SMTN: variants seen among roughly 807,000 people sequenced by gnomAD.
SMTN encodes smoothelin.
Under a neutral mutation model 102.0 loss-of-function variants are expected in SMTN, and 58 were observed. The ratio of observed to expected loss-of-function variants is 0.57; its 90% CI spans 0.46 to 0.71. SMTN has a LOEUF of 0.71. SMTN is among the 30% of genes least tolerant of loss of function. SMTN has a pLI of 0.00. For missense variants in SMTN, 1,185 were observed against 1,241.7 expected (o/e 0.95, Z 0.69); for synonymous variants, 478 against 497.9 (o/e 0.96, Z 0.53).
chr22:31,101,143 G>C (rs1327967945), intron 20 of SMTN, 94 bp downstream of exon 20: 14 of 1,241,966 alleles, frequency 1.1e-5, no homozygotes, highest in Admixed American at 2.3e-5. Flanking sequence ...GGGAAGTAAG[G>C]GGGGCATTTA....
rs773407841 is a variant in SMTN, at chr22:31,090,972, C to G, written c.949C>G (p.Leu317Val). ...QPAQNRESTP[L>V]ASGPSSFQRA... The stretch of plus-strand genomic sequence containing the variant: ...CCTGTTCCTTCTAGAGTCCACCCCC[C>G]TTGCCAGCGGACCTTCCTCATTCCA... The change falls in exon 10 of 21, where the codon CTT (leucine) becomes GTT (valine). Residue 317 changes from leucine (L) to valine (V), a missense_variant. Leu to Val is a conservative substitution (Grantham distance 32). Transcript: ENST00000333137. 3 of 1,613,122 alleles carry G rather than the reference C, an allele frequency of 1.9e-6. No homozygotes were observed. The African/African-American group carries it at 4.0e-5, about 22-fold the overall frequency.
intron 18 of SMTN, 118 bp from the exon 19 acceptor site, chr22:31,099,627 C>T: frequency 9.3e-7 from 1 of 1,075,648 alleles, no homozygotes. Context: ...ACTCATTGTG[C>T]AAGCTACGGG....
intron 1 of SMTN, among the ~76,000 whole-genome samples, chr22:31,073,933 C>A (rs2042068228): frequency 6.6e-6 from 1 of 152,180 alleles, no homozygotes; most frequent in Non-Finnish European, 1.5e-5. Flanking sequence ...GATAACTAGT[C>A]CCTGTTCCAG....
Position 31,083,425 on chromosome 22 carries a change from G to C in SMTN, c.51+116G>C, listed in dbSNP as rs1185716622. 6.2e-6 allele frequency: 8 copies of C among 1,280,376 alleles called. No individual in the cohort carries two copies. The Admixed American group carries it at 2.2e-4, about 36-fold the overall frequency. The allele number at this position is 1,280,376 out of a possible 1,614,324, so 79.3% of individuals were successfully genotyped here. ...GTGATGGGGGAAAGGTCAGGAGGAG[G>C]GGGACATGGGAACAGGGGTAGGCCA... On this transcript the variant is annotated intron_variant, in intron 2 of 20. Transcript: ENST00000333137.
In SMTN at chr22:31,095,974, T is replaced by C. The variant is rs1040739783; in HGVS notation, c.1861+365T>C. ...CCCTGCTGCTCCTCTCTCCCTGAAG[T>C]CCATTGATGGCCATCTTAGCCTCTG... On this transcript the variant is annotated intron_variant, in intron 13 of 20. Coordinates refer to ENST00000333137, the MANE Select transcript of SMTN (RefSeq NM_134269.3). The surrounding 1 kb of genome is among the most constrained non-coding windows in gnomAD (Gnocchi z 4.1). 1.7e-5 allele frequency: 6 copies of C among 348,044 alleles called. No homozygotes were observed. Among genetic ancestry groups the C allele is most frequent in the Non-Finnish European group, 3.2e-5 (6 of 187,328 alleles). The allele number at this position is 348,044 out of a possible 1,614,324, so 21.6% of individuals were successfully genotyped here.
intron 11 of SMTN, chr22:31,093,669 G>T (rs781261350): frequency 2.4e-6 from 2 of 816,856 alleles, no homozygotes; most frequent in African/African-American, 3.3e-5. Flanking sequence ...CACTGAGCAG[G>T]CAGGTGGAGG....
At chr22:31,089,115 C>A in intron 6 of SMTN, 146 bp downstream of exon 6, 1 of 687,210 alleles carries the variant, frequency 1.5e-6, no homozygotes, top group Non-Finnish European at 2.4e-6. Context: ...AGAGGGATCT[C>A]CCAGAAATGC....
intron 19 of SMTN, 74 bp from the exon 20 acceptor site, chr22:31,100,811 C>A: frequency 1.4e-6 from 1 of 734,924 alleles, no homozygotes; most frequent in Non-Finnish European, 2.3e-6. Flanking sequence ...CTGCCTCTTC[C>A]CTCTCTTCCC....
At chr22:31,076,358 G>C (rs1487445152), upstream of SMTN, among the ~76,000 whole-genome samples, 3 of 152,210 alleles carry the variant, frequency 2.0e-5, no homozygotes, top group African/African-American at 7.2e-5. Flanking sequence ...CTGTCTACAG[G>C]TCTTCATGCC....
chr22:31,099,678 T>C, intron 18 of SMTN, 67 bp from the exon 19 acceptor site: 1 of 1,565,382 alleles, frequency 6.4e-7, no homozygotes, highest in Non-Finnish European at 8.7e-7. Context: ...AATAACAGAA[T>C]GCTGAGGGGT....
At chr22:31,066,649 T>C (rs1468243188) in intron 1 of SMTN, 1 of 152,242 alleles carries the variant, frequency 6.6e-6, no homozygotes, top group Non-Finnish European at 1.5e-5. Flanking sequence ...GATACTTGTG[T>C]CTTACTGAGT....
chr22:31,078,882 A>T (rs556876356), upstream of SMTN, among the ~76,000 whole-genome samples: 37 of 152,104 alleles, frequency 2.4e-4, no homozygotes, highest in Middle Eastern at 3.4e-3. Flanking sequence ...TGTCTCCAAA[A>T]AAAATAAAAT....
intron 18 of SMTN, 34 bp downstream of exon 18, chr22:31,099,213 TC>T: frequency 2.8e-6 from 4 of 1,415,562 alleles, no homozygotes; most frequent in African/African-American, 1.4e-5. Context: ...CCTGGAGGCC[TC>T]CCCAGACCCC....
In SMTN at chr22:31,099,271, TC is replaced by T. The variant is rs2043885157; in HGVS notation, c.2451+94del. ...CAGAGCTCCTATTACCCAGTACACT[TC>T]CTGCCACTGTGTGGCCTCACAGGGA... On this transcript the variant is annotated intron_variant, in intron 18 of 20. Coordinates refer to ENST00000333137, the MANE Select transcript of SMTN (RefSeq NM_134269.3). 9 of 786,648 alleles carry T rather than the reference TC, an allele frequency of 1.1e-5. No individual in the cohort carries two copies. The Admixed American group carries it at 2.2e-4, about 19-fold the overall frequency. The allele number at this position is 786,648 out of a possible 1,614,324, so 48.7% of individuals were successfully genotyped here.
intron 1 of SMTN, chr22:31,068,410 C>T (rs1332822553): frequency 6.6e-6 from 1 of 152,044 alleles, no homozygotes. Flanking sequence ...CCGGGGATTC[C>T]TCATTGCCTG....
intron 2 of SMTN, 121 bp downstream of exon 2, chr22:31,083,430 C>T: frequency 8.0e-7 from 1 of 1,242,600 alleles, no homozygotes; most frequent in East Asian, 2.6e-5. Flanking sequence ...AGGAGGGGGA[C>T]ATGGGAACAG....
chr22:31,090,237 C>G (rs2043019786), intron 8 of SMTN, 57 bp downstream of exon 8: 2 of 1,422,750 alleles, frequency 1.4e-6, no homozygotes, highest in South Asian at 2.6e-5. Context: ...CCCTGCCTCC[C>G]TTTCCCTGCC....
At chr22:31,070,612 C>T (rs916901218) in intron 1 of SMTN, among the ~76,000 whole-genome samples, 1 of 152,198 alleles carries the variant, frequency 6.6e-6, no homozygotes, top group East Asian at 1.9e-4. Flanking sequence ...ACTACCTGTT[C>T]AAAACAAAAC....
In SMTN at chr22:31,100,041, G is replaced by A. The variant is rs891150073; in HGVS notation, c.2603+145G>A. On this transcript the variant is annotated intron_variant, in intron 19 of 20. Coordinates refer to ENST00000333137, the MANE Select transcript of SMTN (RefSeq NM_134269.3). ...AGACCCCCTTCCCCAGAGAGTCCCC[G>A]TCCTTCTCCATCCCCACCCCCCCGC... 8.8e-6 allele frequency: 7 copies of A among 792,320 alleles called. 1 individual carries two copies. Among genetic ancestry groups the A allele is most frequent in the Middle Eastern group, 7.5e-4 (2 of 2,658 alleles). 49.1% of individuals were successfully genotyped at this position (792,320 alleles called of 1,614,324 possible). A position where few individuals can be genotyped will look rare whatever the true frequency, so the allele number is the denominator to read the frequency against.
Sources: gnomAD v4.1 joint callset for allele counts (sites outside exome capture counted in the v4.1 genomes callset) on GRCh38, gnomAD v4.1.1 for gene constraint, Gnocchi (gnomAD v3.1) non-coding constraint, MANE v1.5 for transcripts, NCBI Gene and HGNC (gene_info 2026-07-23, HGNC 2026-07-21) for gene names.